The following ZNF280B variants were observed in gnomAD, a reference collection of about 807,000 sequenced individuals.
ZNF280B encodes zinc finger protein 280B.
In ZNF280B, 16 loss-of-function variants were observed where a neutral mutation model predicts 38.0. That is an observed-to-expected ratio of 0.42 (90% CI 0.28 to 0.64). The LOEUF (loss-of-function observed/expected upper bound fraction) is 0.64, where lower values mean the gene tolerates loss of function less well. ZNF280B is among the 30% of genes least tolerant of loss of function. ZNF280B has a pLI of 0.21. For synonymous variants in ZNF280B, 253 were observed against 230.6 expected (o/e 1.10, Z -0.88); for missense variants, 581 against 639.6 (o/e 0.91, Z 0.99).
intron 2 of ZNF280B, 24 bp from the exon 3 acceptor site, chr22:22,494,204 CTGT>C (rs772224646): frequency 7.9e-5 from 12 of 151,978 alleles, no homozygotes; most frequent in Non-Finnish European, 1.2e-4. Flanking sequence ...AAATGAATTC[CTGT>C]TGTTAATAAA....
At chr22:22,497,293 G>T (rs993003346) in intron 2 of ZNF280B, among the ~76,000 whole-genome samples, 2 of 145,154 alleles carry the variant, frequency 1.4e-5, no homozygotes, top group Non-Finnish European at 3.0e-5. Flanking sequence ...CACTTTGGGA[G>T]GCCGAGGTAG....
At chr22:22,504,426 G>GAAAAAAA (rs1314633209) in intron 2 of ZNF280B, among the ~76,000 whole-genome samples, 1 of 121,242 alleles carries the variant, frequency 8.2e-6, no homozygotes, top group Non-Finnish European at 1.7e-5. Context: ...GACTCCGTCT[G>GAAAAAAA]AAAAAAAAAA....
chr22:22,490,990 C>T (rs996738524), intron 3 of ZNF280B, among the ~76,000 whole-genome samples: 2 of 151,806 alleles, frequency 1.3e-5, no homozygotes, highest in African/African-American at 4.8e-5. Context: ...AGCCCTATCA[C>T]CATTTAACAT....
At chr22:22,493,130 C>T (rs1165549292) in intron 3 of ZNF280B, among the ~76,000 whole-genome samples, 1 of 151,732 alleles carries the variant, frequency 6.6e-6, no homozygotes, top group East Asian at 2.0e-4. Context: ...CCTGCCTCAG[C>T]CTCCCGTGTA....
At chr22:22,499,609 A>G (rs2061776002) in intron 2 of ZNF280B, among the ~76,000 whole-genome samples, 1 of 152,044 alleles carries the variant, frequency 6.6e-6, no homozygotes, top group Non-Finnish European at 1.5e-5. Flanking sequence ...CTGCCTGCAG[A>G]AAAAACACTT....
intron 3 of ZNF280B, among the ~76,000 whole-genome samples, chr22:22,493,333 C>T (rs968304679): frequency 6.6e-6 from 1 of 151,818 alleles, no homozygotes; most frequent in Non-Finnish European, 1.5e-5. Flanking sequence ...TTTAAAGCCC[C>T]CAGAAGTTTA....
chr22:22,507,213 T>G (rs867698313), intron 2 of ZNF280B, among the ~76,000 whole-genome samples: 20 of 151,968 alleles, frequency 1.3e-4, no homozygotes, highest in African/African-American at 4.6e-4. Flanking sequence ...GCCAAGGGTT[T>G]CACTGAAACC....
In ZNF280B at chr22:22,485,697, G is replaced by A. The variant is rs1315360111; in HGVS notation, c.*2070C>T. On this transcript the variant is annotated 3_prime_UTR_variant, in exon 4 of 4. Coordinates refer to ENST00000626650, the MANE Select transcript of ZNF280B (RefSeq NM_080764.4). ...AAAGCTTAGGAAATTTAACTAGATT[G>A]AGGAGGGAAGAAAGGAGTGGGGAGA... 1 of 151,932 alleles carries A rather than the reference G, an allele frequency of 6.6e-6. No homozygotes were observed. The highest frequency in any genetic ancestry group is 1.5e-5 in the Non-Finnish European group (1 of 68,008). The allele number at this position is 151,932 out of a possible 1,614,324, so 9.4% of individuals were successfully genotyped here. A position where few individuals can be genotyped will look rare whatever the true frequency, so the allele number is the denominator to read the frequency against.
At chr22:22,489,536 GT>G in intron 3 of ZNF280B, 70 bp from the exon 4 acceptor site, 5 of 755,238 alleles carry the variant, frequency 6.6e-6, no homozygotes, top group Non-Finnish European at 1.0e-5. Flanking sequence ...CCAAAACATT[GT>G]TTTTATAAAC....
At chr22:22,496,037 C>T (rs1226461670) in intron 2 of ZNF280B, among the ~76,000 whole-genome samples, 4 of 151,052 alleles carry the variant, frequency 2.6e-5, no homozygotes, top group African/African-American at 9.7e-5. Context: ...AACCCCTGAC[C>T]TCAGGTTATC....
rs1014410111 is a variant in ZNF280B at position 22,492,769 on chromosome 22, C to A, written c.-69+1294G>T. ...GGCCTGGTGGTAGACACCTGTAATC[C>A]CAGCTACTTGGGAGGCTGAGGCAGG... On this transcript the variant is annotated intron_variant, in intron 3 of 3. Coordinates refer to ENST00000626650, the MANE Select transcript of ZNF280B (RefSeq NM_080764.4). Among the ~76,000 whole-genome samples the A allele has an allele frequency of 2.8e-4, 42 of 151,360 alleles. 1 individual carries two copies. Among genetic ancestry groups the A allele is most frequent in the African/African-American group, 9.0e-4 (37 of 41,304 alleles).
At chr22:22,501,019 C>CAAAAAAAA (rs56907724) in intron 2 of ZNF280B, among the ~76,000 whole-genome samples, 316 of 59,632 alleles carry the variant, frequency 5.3e-3, no homozygotes, top group Non-Finnish European at 8.5e-3. Context: ...GACTCCGTCT[C>CAAAAAAAA]AAAAAAAAAA....
upstream of ZNF280B, chr22:22,508,772 C>T (rs1454467454): frequency 2.0e-5 from 3 of 151,910 alleles, no homozygotes; most frequent in South Asian, 2.1e-4. Flanking sequence ...GCCGCCGACG[C>T]GCACGCCTCC....
At chr22:22,491,457 C>CTTTTTT (rs55720546) in intron 3 of ZNF280B, among the ~76,000 whole-genome samples, 24 of 113,914 alleles carry the variant, frequency 2.1e-4, no homozygotes, top group Non-Finnish European at 3.2e-4. Flanking sequence ...TGTCTTTTTT[C>CTTTTTT]TTTTTTTTTT....
chr22:22,488,897 T>C lies in ZNF280B; in HGVS notation c.502A>G (p.Ser168Gly), dbSNP rs144442839. ...TALSVGGINE[S>G]PRVSKQLSTF... ...GAAAGTTGCTTTGATACACGAGGAC[T>C]TTCATTTATACCTCCTACTGAAAGT... is the stretch of plus-strand genomic sequence containing the variant. The change falls in exon 4 of 4, where the codon AGT (serine) becomes GGT (glycine). Residue 168 changes from serine (S) to glycine (G), a missense_variant. Transcript: ENST00000626650. The C allele has an allele frequency of 1.9e-6, 3 of 1,613,724 alleles. No homozygotes were observed. The highest frequency in any genetic ancestry group is 2.5e-6 in the Non-Finnish European group (3 of 1,179,978).
At chr22:22,490,540 T>C (rs1462191878) in intron 3 of ZNF280B, among the ~76,000 whole-genome samples, 1 of 151,966 alleles carries the variant, frequency 6.6e-6, no homozygotes, top group Non-Finnish European at 1.5e-5. Context: ...ATATTTCAGC[T>C]CACTGCAACC....
At chr22:22,498,522 C>G (rs2061746537) in intron 2 of ZNF280B, among the ~76,000 whole-genome samples, 1 of 151,724 alleles carries the variant, frequency 6.6e-6, no homozygotes, top group South Asian at 2.1e-4. Context: ...TGAACTGACT[C>G]AAGAACAAAC....
intron 2 of ZNF280B, among the ~76,000 whole-genome samples, chr22:22,501,979 C>T (rs369585048): frequency 7.3e-5 from 11 of 151,242 alleles, no homozygotes; most frequent in East Asian, 6.0e-4. Context: ...TCATGGCACA[C>T]GCCTGTAGTC....
rs1156343728 is a variant in ZNF280B, at chr22:22,489,005, G to C, written c.394C>G (p.Gln132Glu). Residue 132 changes from glutamine (Q) to glutamate (E), a missense_variant, in exon 4 of 4, where the codon CAA becomes GAA. Gln to Glu is a conservative substitution (Grantham distance 29). Coordinates refer to ENST00000626650, the MANE Select transcript of ZNF280B (RefSeq NM_080764.4). ...TCTGAAGAGTTATTAGGCACAACTTGTGGTGAACTATTTCTATAATCAGGT... is the reference window on the plus strand; with the variant it reads ...TCTGAAGAGTTATTAGGCACAACTTCTGGTGAACTATTTCTATAATCAGGT... ...SKPDYRNSSP[Q>E]VVPNNSSELP... is the part of the protein sequence containing the mutation. 6.2e-7 allele frequency: 1 copy of C among 1,613,726 alleles called. No homozygotes were observed. Among genetic ancestry groups the C allele is most frequent in the African/African-American group, 1.3e-5 (1 of 74,870 alleles).
Sources: gnomAD v4.1 joint callset for allele counts (sites outside exome capture counted in the v4.1 genomes callset) on GRCh38, gnomAD v4.1.1 for gene constraint, MANE v1.5 for transcripts, NCBI Gene and HGNC (gene_info 2026-07-23, HGNC 2026-07-21) for gene names.